The following CCDC158 variants were observed in gnomAD, a reference collection of about 807,000 sequenced individuals.
CCDC158 encodes the protein coiled-coil domain containing 158, also known as coiled-coil domain-containing protein 158.
Under a neutral mutation model 138.6 loss-of-function variants are expected in CCDC158, and 116 were observed. The observed-to-expected ratio is 0.84, with a 90% CI of 0.72 to 0.98. The LOEUF is 0.98. CCDC158 is among the 50% of genes least tolerant of loss of function. The pLI is 0.00. For missense variants in CCDC158, 1,265 were observed against 1,306.1 expected (o/e 0.97, Z 0.48); for synonymous variants, 436 against 442.4 (o/e 0.99, Z 0.18).
intron 6 of CCDC158, 120 bp downstream of exon 6, chr4:76,383,968 T>C: frequency 1.2e-6 from 1 of 824,762 alleles, no homozygotes; most frequent in East Asian, 2.7e-5. Flanking sequence ...AAGTAACTTC[T>C]GTTATTTCAG....
intron 24 of CCDC158, among the ~76,000 whole-genome samples, chr4:76,319,789 C>A (rs1171304987): frequency 6.6e-6 from 1 of 151,858 alleles, no homozygotes. Context: ...ATGGGACATA[C>A]CTCAAGGTAA....
In CCDC158 at chr4:76,384,246, G is replaced by A. The variant is rs369057239; in HGVS notation, c.568C>T (p.Arg190Trp). The change falls in exon 6 of 25, where the codon CGG becomes TGG. Residue 190 changes from arginine to tryptophan, a missense_variant. Arg to Trp is a moderately radical substitution (Grantham distance 101, BLOSUM62 -3). Transcript: ENST00000682701. Reference protein sequence around the residue: ...LSHEGVLQEIRSILVDFEEAS... With the variant: ...LSHEGVLQEIWSILVDFEEAS... ...TCTTCAAAGTCAACTAGGATTGACC[G>A]GATTTCTTGAAGCACTCCCTCATGA... is the stretch of plus-strand genomic sequence containing the variant. 1.0e-4 allele frequency: 167 copies of A among 1,613,932 alleles called. No individual in the cohort carries two copies. The highest frequency in any genetic ancestry group is 3.7e-4 in the Admixed American group (22 of 59,986).
intron 24 of CCDC158, among the ~76,000 whole-genome samples, chr4:76,318,796 C>T (rs1719652159): frequency 1.3e-5 from 2 of 152,048 alleles, no homozygotes; most frequent in African/African-American, 2.4e-5. Context: ...AATACTAAAA[C>T]CAGGAAAGGA....
At chr4:76,363,388 C>T (rs1386925954) in intron 12 of CCDC158, among the ~76,000 whole-genome samples, 1 of 152,170 alleles carries the variant, frequency 6.6e-6, no homozygotes, top group Non-Finnish European at 1.5e-5. Flanking sequence ...TGTGCCTTTT[C>T]CTTTTGCTGA....
chr4:76,331,567 C>T (rs1399886392), intron 20 of CCDC158, among the ~76,000 whole-genome samples, 164 bp from the exon 21 acceptor site: 1 of 152,148 alleles, frequency 6.6e-6, no homozygotes, highest in Non-Finnish European at 1.5e-5. Flanking sequence ...GATAAAATTG[C>T]TTCTCTCAAC....
In CCDC158 at chr4:76,384,312, T is replaced by TA. The variant is rs1439135283; in HGVS notation, c.501_502insT (p.Ser168Ter). 9.9e-6 allele frequency: 16 copies of TA among 1,614,054 alleles called. No individual in the cohort carries two copies. Among genetic ancestry groups the TA allele is most frequent in the Non-Finnish European group, 1.4e-5 (16 of 1,180,016 alleles). ...CGTAGTTGCTCTATCTGTGTGTTGC[T>TA]GTCTTTCAGCATGTCCTCTTTAAGG... On this transcript the variant is annotated frameshift_variant, in exon 6 of 25. Transcript: ENST00000682701. LOFTEE classifies it high-confidence loss of function.
At chr4:76,369,009 A>C (rs1376114813) in intron 11 of CCDC158, among the ~76,000 whole-genome samples, 1 of 152,082 alleles carries the variant, frequency 6.6e-6, no homozygotes, top group Non-Finnish European at 1.5e-5. Context: ...AGGTCATGAG[A>C]TCGAGACCAT....
chr4:76,315,813 C>A (rs1426200727), intron 24 of CCDC158, among the ~76,000 whole-genome samples: 1 of 152,150 alleles, frequency 6.6e-6, no homozygotes, highest in Non-Finnish European at 1.5e-5. Context: ...AGAAATTTCC[C>A]AGCACCAGCC....
At chr4:76,386,387 A>G (rs1726788631) in intron 4 of CCDC158, among the ~76,000 whole-genome samples, 1 of 92,752 alleles carries the variant, frequency 1.1e-5, no homozygotes. Context: ...TAGGCTGTAA[A>G]TGACTTTGTA....
In CCDC158 at chr4:76,396,336, T is replaced by A; in HGVS notation, c.221A>T (p.Glu74Val). 6.2e-7 allele frequency: 1 copy of A among 1,614,072 alleles called. No homozygotes were observed. The highest frequency in any genetic ancestry group is 8.5e-7 in the Non-Finnish European group (1 of 1,179,974). ...TTCTTCCAAAACACGTTCAAAGTGT[T>A]CCTTTCCAGGAGATGGGATGATTTT... ...PRKIIPSPGK[E>V]HFERVLEEYS... Residue 74 changes from glutamate to valine, a missense_variant, in exon 4 of 25, where the codon GAA becomes GTA. Physicochemically the swap from Glu to Val is moderately radical, Grantham distance 121 (BLOSUM62 -2). Transcript: ENST00000682701.
Position 76,396,455 on chromosome 4 carries a change from A to G in CCDC158, c.102T>C (p.Ile34=). 1 of 1,609,524 alleles carries G rather than the reference A, an allele frequency of 6.2e-7. No homozygotes were observed. Reference sequence around the variant, plus strand: ...ATGTGTTTTCAATTATTGTACCACGAATAGATGACACAAAAAATGAACTTG... The same window carrying G: ...ATGTGTTTTCAATTATTGTACCACGGATAGATGACACAAAAAATGAACTTG... ...GSSSSFFVSS[I]RGTIIENTSS... Residue 34 remains isoleucine (I), a synonymous_variant, in exon 4 of 25, where the codon ATT becomes ATC. Transcript: ENST00000682701.
chr4:76,401,341 G>C (rs1310625559), intron 3 of CCDC158: 3 of 510,400 alleles, frequency 5.9e-6, no homozygotes, highest in South Asian at 1.4e-5. Context: ...AGAAGGGCAA[G>C]GATTCTCTGT....
intron 1 of CCDC158, among the ~76,000 whole-genome samples, chr4:76,419,300 C>A (rs908401887): frequency 6.6e-6 from 1 of 151,788 alleles, no homozygotes; most frequent in African/African-American, 2.4e-5. Flanking sequence ...CACTACTGTA[C>A]CCCACTATTG....
intron 24 of CCDC158, among the ~76,000 whole-genome samples, chr4:76,321,133 C>A (rs550985913): frequency 2.2e-4 from 33 of 152,114 alleles, no homozygotes; most frequent in Non-Finnish European, 3.7e-4. Context: ...AAAGAAGATA[C>A]ACAAATGGTC....
chr4:76,334,302 T>C, intron 18 of CCDC158, 135 bp from the exon 19 acceptor site: 2 of 699,410 alleles, frequency 2.9e-6, no homozygotes, highest in Non-Finnish European at 4.6e-6. Context: ...ACCCACAAGC[T>C]TATTACACAG....
At position 76,384,203 on chromosome 4, in the gene CCDC158, A is replaced by C. The variant is rs201088625; in HGVS notation, c.611T>G (p.Ile204Arg). The C allele has an allele frequency of 1.4e-4, 224 of 1,613,820 alleles. No individual in the cohort carries two copies. Among genetic ancestry groups the C allele is most frequent in the Non-Finnish European group, 1.8e-4 (207 of 1,179,908 alleles). The change falls in exon 6 of 25, where the codon ATA becomes AGA. Residue 204 changes from isoleucine to arginine, a missense_variant. By Grantham distance (97) the Ile-to-Arg change is moderately conservative. Transcript: ENST00000682701. Reference sequence around the variant, plus strand: ...AGTAGACATGCTGTCATGTTCACATATTTTTTTGCCTGAGGCTTCTTCAAA... The same window carrying C: ...AGTAGACATGCTGTCATGTTCACATCTTTTTTTGCCTGAGGCTTCTTCAAA... ...VDFEEASGKK[I>R]CEHDSMSTLH... is the part of the protein sequence containing the mutation.
intron 14 of CCDC158, among the ~76,000 whole-genome samples, chr4:76,356,894 G>C (rs1012112397): frequency 2.6e-5 from 4 of 152,022 alleles, no homozygotes; most frequent in African/African-American, 9.7e-5. Context: ...AGGTAAAAGG[G>C]GAATAAATCT....
chr4:76,421,503 A>G (rs185794704), upstream of CCDC158, among the ~76,000 whole-genome samples: 139 of 150,890 alleles, frequency 9.2e-4, 1 homozygote, highest in Non-Finnish European at 1.7e-3. Context: ...CTCCGGCCCT[A>G]CTCTTGCCCC....
chr4:76,321,670 T>A (rs1036148613), intron 24 of CCDC158, among the ~76,000 whole-genome samples: 9 of 145,370 alleles, frequency 6.2e-5, no homozygotes, highest in Admixed American at 1.4e-4. Context: ...CCATGTATAT[T>A]TTTATATATA....
Sources: allele counts gnomAD v4.1 joint callset (sites outside exome capture counted in the v4.1 genomes callset), GRCh38; gene constraint gnomAD v4.1.1; transcripts MANE v1.5; gene names NCBI Gene and HGNC (gene_info 2026-07-23, HGNC 2026-07-21).